Variants in STXBP5L observed in about 807,000 individuals in gnomAD.
STXBP5L encodes the protein syntaxin binding protein 5L.
In STXBP5L, 65 loss-of-function variants were observed where a neutral mutation model predicts 144.5. That is an observed-to-expected ratio of 0.45 (90% CI 0.37 to 0.55). The LOEUF (loss-of-function observed/expected upper bound fraction) is 0.55. STXBP5L is among the 20% of genes least tolerant of loss of function. The pLI, the probability that STXBP5L is intolerant of heterozygous loss-of-function variation, is 0.00. For missense variants in STXBP5L, 1,298 were observed against 1,405.5 expected, an observed-to-expected ratio of 0.92 and a Z score of 1.22; for synonymous variants, 505 against 469.6, an observed-to-expected ratio of 1.08 and a Z score of -0.97.
intron 9 of STXBP5L, among the ~76,000 whole-genome samples, chr3:121,173,380 T>C (rs2046807656): frequency 6.6e-6 from 1 of 150,766 alleles, no homozygotes; most frequent in Non-Finnish European, 1.5e-5. Context: ...CTCACTTCAG[T>C]AACAACAAAA....
chr3:121,147,371 T>C (rs2045755670), intron 7 of STXBP5L, among the ~76,000 whole-genome samples: 4 of 152,154 alleles, frequency 2.6e-5, no homozygotes, highest in Admixed American at 6.6e-5. Context: ...TTCTATGTCA[T>C]AGAAGAAATC....
intron 20 of STXBP5L, chr3:121,357,347 G>T: frequency 6.3e-6 from 1 of 159,128 alleles, no homozygotes. Context: ...TAGTGGATAA[G>T]CAAGTTAATT....
At chr3:121,253,381 C>T (rs1023869356) in intron 15 of STXBP5L, among the ~76,000 whole-genome samples, 1 of 151,910 alleles carries the variant, frequency 6.6e-6, no homozygotes, top group African/African-American at 2.4e-5. Flanking sequence ...CTCTCACACA[C>T]ATACATATAT....
intron 22 of STXBP5L, among the ~76,000 whole-genome samples, chr3:121,384,736 T>A (rs2046390199): frequency 6.6e-6 from 1 of 151,880 alleles, no homozygotes; most frequent in Non-Finnish European, 1.5e-5. Context: ...TTTTTCAAGA[T>A]CTAGTTATTA....
chr3:121,032,385 C>A (rs1476043180), intron 3 of STXBP5L, among the ~76,000 whole-genome samples: 1 of 152,000 alleles, frequency 6.6e-6, no homozygotes, highest in South Asian at 2.1e-4. Flanking sequence ...GAAAAGTGAT[C>A]ATTGAATTTA....
intron 5 of STXBP5L, among the ~76,000 whole-genome samples, chr3:121,065,749 T>C (rs2041513514): frequency 6.6e-6 from 1 of 152,158 alleles, no homozygotes; most frequent in South Asian, 2.1e-4. Context: ...TATTATTAGC[T>C]GACTTTTTTG....
chr3:121,346,016 C>T (rs535523719), intron 20 of STXBP5L, among the ~76,000 whole-genome samples: 1 of 151,904 alleles, frequency 6.6e-6, no homozygotes, highest in African/African-American at 2.4e-5. Context: ...GGGTTTGTTG[C>T]ATATGTGTAC....
chr3:121,307,136 G>A (rs996778509), intron 19 of STXBP5L, among the ~76,000 whole-genome samples: 6 of 152,110 alleles, frequency 3.9e-5, no homozygotes, highest in Non-Finnish European at 5.9e-5. Context: ...TAGTCTAGCC[G>A]AGTCACTGAA....
chr3:121,300,355 A>T (rs1297959630), intron 19 of STXBP5L, among the ~76,000 whole-genome samples: 2 of 152,222 alleles, frequency 1.3e-5, no homozygotes, highest in Non-Finnish European at 2.9e-5. Flanking sequence ...AAGCACTGGA[A>T]ATAATAAATA....
At position 120,953,875 on chromosome 3, in the gene STXBP5L, A is replaced by G. The variant is rs114005291; in HGVS notation, c.190-1065A>G. 8.2e-3 allele frequency among the ~76,000 whole-genome samples: 1,250 copies of G among 152,254 alleles called. 22 individuals are homozygous for G. Among genetic ancestry groups the G allele is most frequent in the African/African-American group, 0.028 (1,169 of 41,562 alleles). On this transcript the variant is annotated intron_variant, in intron 2 of 26. Coordinates refer to ENST00000471454, the MANE Select transcript of STXBP5L (RefSeq NM_001308330.2). The stretch of plus-strand genomic sequence containing the variant: ...GAATAGAGGTGGATAGAGTGGAAAT[A>G]CTTGTTTGATTCCTAACCTTAGAAG...
intron 15 of STXBP5L, among the ~76,000 whole-genome samples, chr3:121,254,300 T>G (rs2050136253): frequency 6.6e-6 from 1 of 151,046 alleles, no homozygotes; most frequent in Non-Finnish European, 1.5e-5. Context: ...ACAAACACAA[T>G]GTATGAGATT....
At chr3:121,280,939 AT>A (rs940001099) in intron 19 of STXBP5L, among the ~76,000 whole-genome samples, 1 of 150,790 alleles carries the variant, frequency 6.6e-6, no homozygotes, top group African/African-American at 2.4e-5. Context: ...AACTTTTTAA[AT>A]TTTTTAATAA....
At chr3:120,908,392 G>A in intron 1 of STXBP5L, 58 bp downstream of exon 1, 1 of 156,434 alleles carries the variant, frequency 6.4e-6, no homozygotes, top group Non-Finnish European at 1.4e-5. Flanking sequence ...CGCTGCCGCC[G>A]TCCAGCTGTG....
At chr3:121,146,464 G>C (rs1028799186) in intron 7 of STXBP5L, among the ~76,000 whole-genome samples, 1 of 151,924 alleles carries the variant, frequency 6.6e-6, no homozygotes, top group Non-Finnish European at 1.5e-5. Flanking sequence ...TAACAAATGG[G>C]ACAAATACAA....
intron 22 of STXBP5L, among the ~76,000 whole-genome samples, chr3:121,400,409 G>A (rs911585491): frequency 6.6e-6 from 1 of 152,196 alleles, no homozygotes; most frequent in Non-Finnish European, 1.5e-5. Flanking sequence ...TCTAGCATGT[G>A]ATCGGCCAAC....
At chr3:121,168,586 T>C (rs989839385) in intron 9 of STXBP5L, among the ~76,000 whole-genome samples, 2 of 152,080 alleles carry the variant, frequency 1.3e-5, no homozygotes, top group Non-Finnish European at 2.9e-5. Context: ...TAAGACAGGA[T>C]AACAGAGATT....
At chr3:121,134,850 G>A (rs142798021) in intron 7 of STXBP5L, among the ~76,000 whole-genome samples, 43 of 152,270 alleles carry the variant, frequency 2.8e-4, no homozygotes, top group African/African-American at 1.0e-3. Context: ...ATTGTGAATA[G>A]TACCACAATA....
At chr3:121,009,704 C>G (rs1220387274) in intron 3 of STXBP5L, among the ~76,000 whole-genome samples, 3 of 151,948 alleles carry the variant, frequency 2.0e-5, no homozygotes, top group Non-Finnish European at 4.4e-5. Flanking sequence ...TATATATGAA[C>G]TTAGTTGGGC....
At chr3:121,267,735 A>G (rs1328823920) in intron 18 of STXBP5L, among the ~76,000 whole-genome samples, 1 of 152,204 alleles carries the variant, frequency 6.6e-6, no homozygotes, top group Non-Finnish European at 1.5e-5. Context: ...CCCCATCAAA[A>G]AGTTGGCAAA....
Sources: gnomAD v4.1 joint callset for allele counts (sites outside exome capture counted in the v4.1 genomes callset) on GRCh38, gnomAD v4.1.1 for gene constraint, MANE v1.5 for transcripts, NCBI Gene and HGNC (gene_info 2026-07-23, HGNC 2026-07-21) for gene names.